The following EPG5 variants were observed in gnomAD, a reference collection of about 807,000 sequenced individuals.
The protein encoded by EPG5 is ectopic P granules protein 5 homolog.
A neutral mutation model predicts 302.7 loss-of-function variants in EPG5; 159 were observed. The ratio of observed to expected loss-of-function variants is 0.53; its 90% CI spans 0.46 to 0.60. EPG5 has a LOEUF of 0.60. EPG5 is among the 20% of genes least tolerant of loss of function. The pLI, the probability that EPG5 is intolerant of heterozygous loss-of-function variation, is 0.00. For synonymous variants in EPG5, 1,158 were observed against 1,136.8 expected, an observed-to-expected ratio of 1.02 and a Z score of -0.37; for missense variants, 2,896 against 3,092.4, an observed-to-expected ratio of 0.94 and a Z score of 1.51.
At chr18:45,908,261 T>C (rs972474761) in intron 23 of EPG5, among the ~76,000 whole-genome samples, 180 bp from the exon 24 acceptor site, 1 of 152,042 alleles carries the variant, frequency 6.6e-6, no homozygotes, top group East Asian at 1.9e-4. Flanking sequence ...GGGAGGCACG[T>C]CACAGATTAT....
At chr18:45,891,256 T>C (rs1443920081) in intron 27 of EPG5, among the ~76,000 whole-genome samples, 3 of 151,894 alleles carry the variant, frequency 2.0e-5, no homozygotes, top group Non-Finnish European at 2.9e-5. Flanking sequence ...CCCAGCACTT[T>C]GGGAGGCCGA....
At chr18:45,831,220 G>A in the EPG5 span, among the ~76,000 whole-genome samples, 1 of 152,190 alleles carries the variant, frequency 6.6e-6, no homozygotes, top group Non-Finnish European at 1.5e-5. Flanking sequence ...ACACTCGCCT[G>A]CTGCCGTGTT....
the EPG5 span, chr18:45,838,935 G>A: frequency 1.2e-6 from 2 of 1,604,718 alleles, no homozygotes; most frequent in Non-Finnish European, 1.7e-6. Context: ...ACACGTGTAC[G>A]GCCGCCAACA....
At chr18:45,903,487 T>G (rs576707123) in intron 25 of EPG5, among the ~76,000 whole-genome samples, 109 of 152,320 alleles carry the variant, frequency 7.2e-4, no homozygotes, top group African/African-American at 2.0e-3. Flanking sequence ...ACACTATATA[T>G]TGTAATAAAT....
rs507653 is a variant in EPG5, at chr18:45,852,327, C to T, written c.*140G>A. 146,843 of 687,666 alleles carry T rather than the reference C, an allele frequency of 0.21. 21,697 individuals carry two copies. The highest frequency in any genetic ancestry group is 0.54 in the African/African-American group (29,417 of 54,862). The allele number at this position is 687,666 out of a possible 1,614,324, so 42.6% of individuals were successfully genotyped here. A position where few individuals can be genotyped will look rare whatever the true frequency, so the allele number is the denominator to read the frequency against. On this transcript the variant is annotated 3_prime_UTR_variant, in exon 44 of 44. Transcript: ENST00000282041. Reference sequence around the variant, plus strand: ...CACCCCAAAATTATCTAATATCTAACGCCTCCCAACTTGCATCTCAGTCAA... The same window carrying T: ...CACCCCAAAATTATCTAATATCTAATGCCTCCCAACTTGCATCTCAGTCAA...
the EPG5 span, among the ~76,000 whole-genome samples, chr18:45,841,457 G>C: frequency 6.6e-6 from 1 of 152,208 alleles, no homozygotes; most frequent in Non-Finnish European, 1.5e-5. Flanking sequence ...GGAAGTCACT[G>C]AATGGTTTTA....
In EPG5 at chr18:45,954,509, G is replaced by A. The variant is rs1352322842; in HGVS notation, c.893C>T (p.Ser298Leu). 2 of 1,614,248 alleles carry A rather than the reference G, an allele frequency of 1.2e-6. No homozygotes were observed. The highest frequency in any genetic ancestry group is 3.3e-5 in the Admixed American group (2 of 60,030). The change falls in exon 2 of 44, where the codon TCA becomes TTA. Residue 298 changes from serine to leucine, a missense_variant. Ser to Leu is a moderately radical substitution (Grantham distance 145). Coordinates refer to ENST00000282041, the MANE Select transcript of EPG5 (RefSeq NM_020964.3). ...CAGCAGCAGTTGCTTCCTACATCGT[G>A]AGTAGTTCAAAAGCAACTCATAAAA... Reference protein sequence around the residue: ...HEFYELLLNYSRCRKQLLLAE... With the variant: ...HEFYELLLNYLRCRKQLLLAE...
At chr18:45,803,457 G>GC in the EPG5 span, among the ~76,000 whole-genome samples, 14 of 152,190 alleles carry the variant, frequency 9.2e-5, no homozygotes, top group Non-Finnish European at 1.8e-4. Flanking sequence ...TTATTCTCCT[G>GC]TTTTTACCAC....
At chr18:45,903,660 TAGAAAAATGTACTGGG>T (rs2049677811) in intron 25 of EPG5, among the ~76,000 whole-genome samples, 1 of 152,214 alleles carries the variant, frequency 6.6e-6, no homozygotes. Context: ...ACTGTTTCTC[TAGAAAAATGTACTGGG>T]AGAAACAAGT....
intron 21 of EPG5, among the ~76,000 whole-genome samples, chr18:45,912,955 G>C (rs1259948986): frequency 6.6e-6 from 1 of 152,032 alleles, no homozygotes; most frequent in African/African-American, 2.4e-5. Flanking sequence ...GGGTGTGGTG[G>C]TGCACTCCTG....
At chr18:45,937,341 TATAG>T (rs1464229565) in intron 10 of EPG5, among the ~76,000 whole-genome samples, 2 of 150,260 alleles carry the variant, frequency 1.3e-5, no homozygotes, top group African/African-American at 2.4e-5. Flanking sequence ...TACACATATA[TATAG>T]ATATACACAT....
chr18:45,827,806 T>C, the EPG5 span, among the ~76,000 whole-genome samples: 1 of 152,142 alleles, frequency 6.6e-6, no homozygotes, highest in Non-Finnish European at 1.5e-5. Context: ...TGATTTCTTT[T>C]TTTCTCTCCT....
chr18:45,934,784 C>T lies in EPG5; in HGVS notation c.2257+25G>A, dbSNP rs138402597. The T allele has an allele frequency of 6.1e-5, 96 of 1,583,612 alleles. No individual in the cohort carries two copies. The East Asian group carries it at 1.9e-3, about 31-fold the overall frequency. ...GCACAAAAAGATAGGGAGAGCTGGACGCCGACTGCTCGGCGGGGCTGTACC... is the reference window on the plus strand; with the variant it reads ...GCACAAAAAGATAGGGAGAGCTGGATGCCGACTGCTCGGCGGGGCTGTACC... On this transcript the variant is annotated intron_variant, in intron 11 of 43. Coordinates refer to ENST00000282041, the MANE Select transcript of EPG5 (RefSeq NM_020964.3).
downstream of EPG5, among the ~76,000 whole-genome samples, chr18:45,847,115 A>G (rs72918306): frequency 0.019 from 2,941 of 152,354 alleles, 55 homozygotes; most frequent in Non-Finnish European, 0.029. Flanking sequence ...GCCTGTCCCT[A>G]AGGAATCCCA....
rs768999379 is a variant in EPG5 at position 45,870,676 on chromosome 18, G to A, written c.6116C>T (p.Thr2039Ile). 4.3e-6 allele frequency: 7 copies of A among 1,613,412 alleles called. No individual in the cohort carries two copies. The Admixed American group carries it at 6.7e-5, about 15-fold the overall frequency. Residue 2039 changes from threonine to isoleucine, a missense_variant, in exon 36 of 44, where the codon ACA (threonine) becomes ATA (isoleucine). Thr to Ile is a moderately conservative substitution (Grantham distance 89). Transcript: ENST00000282041. ...AATGAACTCTGGCATTTTGGGTGCT[G>A]TACATGCTTCACAATAATGCATCAG... The part of the protein sequence containing the change: ...LHLMHYCEAC[T>I]APKMPEFILY...
intron 1 of EPG5, among the ~76,000 whole-genome samples, chr18:45,961,214 C>T (rs891568182): frequency 6.6e-6 from 1 of 152,210 alleles, no homozygotes; most frequent in Non-Finnish European, 1.5e-5. Context: ...TGCCCCCTTA[C>T]AGTCTATTCT....
At chr18:45,834,799 G>C in the EPG5 span, among the ~76,000 whole-genome samples, 1 of 152,220 alleles carries the variant, frequency 6.6e-6, no homozygotes. Flanking sequence ...TGGGGAATCT[G>C]TGCCTGGCTC....
At chr18:45,964,497 T>C (rs373650644) in intron 1 of EPG5, among the ~76,000 whole-genome samples, 2 of 152,238 alleles carry the variant, frequency 1.3e-5, no homozygotes, top group Non-Finnish European at 1.5e-5. Context: ...TACTGCATTA[T>C]AGGTTCAGGA....
At position 45,955,092 on chromosome 18, in the gene EPG5, T is replaced by C. The variant is rs759089487; in HGVS notation, c.310A>G (p.Lys104Glu). The C allele has an allele frequency of 5.8e-5, 93 of 1,613,762 alleles. No individual in the cohort carries two copies. The highest frequency in any genetic ancestry group is 7.7e-5 in the Non-Finnish European group (91 of 1,179,862). The change falls in exon 2 of 44, where the codon AAG becomes GAG. Residue 104 changes from lysine (K) to glutamate (E), a missense_variant. Physicochemically the swap from Lys to Glu is moderately conservative, Grantham distance 56 (BLOSUM62 1). This residue lies in a region of EPG5 where 1,390 missense variants were observed against 1,430.0 expected (regional missense o/e 0.97). Coordinates refer to ENST00000282041, the MANE Select transcript of EPG5 (RefSeq NM_020964.3). ...ESLTCNTEPP[K>E]EGGEARPCVG... ...CAGGGTCTGGCCTCTCCCCCTTCCT[T>C]TGGGGGCTCTGTGTTACACGTCAGG...
Sources: allele counts gnomAD v4.1 joint callset (sites outside exome capture counted in the v4.1 genomes callset), GRCh38; gene constraint gnomAD v4.1.1; regional missense constraint gnomAD v4.1.1; transcripts MANE v1.5; gene names NCBI Gene and HGNC (gene_info 2026-07-23, HGNC 2026-07-21).